Variants in DYSF observed in about 807,000 individuals in gnomAD.
The protein encoded by DYSF is dysferlin.
Under a neutral mutation model 274.9 loss-of-function variants are expected in DYSF, and 212 were observed. The observed-to-expected ratio is 0.77, with a 90% CI of 0.69 to 0.86. The LOEUF (loss-of-function observed/expected upper bound fraction) is 0.86, where lower values mean the gene tolerates loss of function less well. DYSF is among the 40% of genes least tolerant of loss of function. DYSF has a pLI of 0.00. For synonymous variants in DYSF, 1,091 were observed against 1,078.7 expected (o/e 1.01, Z -0.22); for missense variants, 2,666 against 2,783.2 (o/e 0.96, Z 0.95).
rs140862339 is a variant in DYSF at position 71,511,177 on chromosome 2, T to A, written c.346-630T>A. 1.8e-3 allele frequency among the ~76,000 whole-genome samples: 271 copies of A among 152,282 alleles called. 4 individuals are homozygous for A. Among genetic ancestry groups the A allele is most frequent in the East Asian group, 6.2e-3 (32 of 5,168 alleles). ...CCTCGCCTGTGAGGGATGTCACCAG[T>A]CCCTCTCCTCTCTGGCCGGTGCAAG... On this transcript the variant is annotated intron_variant, in intron 4 of 55. Coordinates refer to ENST00000410020, the MANE Select transcript of DYSF (RefSeq NM_001130987.2).
intron 12 of DYSF, 128 bp from the exon 13 acceptor site, chr2:71,526,092 T>C: frequency 1.3e-6 from 2 of 1,537,144 alleles, no homozygotes; most frequent in Non-Finnish European, 1.8e-6. Context: ...CGGTAGTAAG[T>C]GTCGGAGCGC....
At chr2:71,586,293 GGT>G (rs2093066520) in intron 30 of DYSF, among the ~76,000 whole-genome samples, 1 of 152,136 alleles carries the variant, frequency 6.6e-6, no homozygotes. Flanking sequence ...GGCTCTGGGG[GGT>G]GTGTCTCCCC....
rs2089177822 is a variant in DYSF, at chr2:71,535,106, C to T, written c.1449+17C>T. The T allele has an allele frequency of 6.2e-7, 1 of 1,613,928 alleles. No homozygotes were observed. ...CCTGCCATGGTGAGCCTCCTGCCCC[C>T]AGCAAACCCAAGGAGGCCCCTGGGG... On this transcript the variant is annotated intron_variant, in intron 15 of 55. Coordinates refer to ENST00000410020, the MANE Select transcript of DYSF (RefSeq NM_001130987.2).
intron 17 of DYSF, among the ~76,000 whole-genome samples, chr2:71,542,702 A>C: frequency 6.6e-6 from 1 of 152,176 alleles, no homozygotes; most frequent in East Asian, 1.9e-4. Context: ...AAGGTCATAG[A>C]TCAACAGCAT....
intron 3 of DYSF, among the ~76,000 whole-genome samples, chr2:71,486,381 T>C (rs1433756785): frequency 3.3e-5 from 5 of 152,016 alleles, no homozygotes; most frequent in Non-Finnish European, 5.9e-5. Context: ...TCTCTGTGTC[T>C]CCTGCTTTGC....
chr2:71,551,420 C>G (rs570490949), intron 18 of DYSF, among the ~76,000 whole-genome samples, 187 bp from the exon 19 acceptor site: 1 of 152,230 alleles, frequency 6.6e-6, no homozygotes, highest in Non-Finnish European at 1.5e-5. Flanking sequence ...CACTGTCCAT[C>G]TGGGTGGCTT....
intron 52 of DYSF, among the ~76,000 whole-genome samples, chr2:71,678,346 A>G (rs2095252446): frequency 6.6e-6 from 1 of 152,230 alleles, no homozygotes; most frequent in Non-Finnish European, 1.5e-5. Flanking sequence ...CAACCATAAA[A>G]AAAATACAGA....
chr2:71,582,061 C>T (rs939560424), intron 30 of DYSF, among the ~76,000 whole-genome samples: 6 of 128,494 alleles, frequency 4.7e-5, no homozygotes, highest in African/African-American at 1.8e-4. Flanking sequence ...GAACTGTGAT[C>T]GTGCCATTGC....
chr2:71,560,611 A>T (rs781761695), intron 22 of DYSF, among the ~76,000 whole-genome samples: 7 of 152,266 alleles, frequency 4.6e-5, no homozygotes, highest in Admixed American at 1.3e-4. Context: ...TAAAAATTCA[A>T]TTAAAAAAAA....
intron 3 of DYSF, among the ~76,000 whole-genome samples, chr2:71,487,482 C>T (rs1221071753): frequency 6.6e-6 from 1 of 152,172 alleles, no homozygotes; most frequent in Non-Finnish European, 1.5e-5. Flanking sequence ...GGGTAGAGAA[C>T]TCACTGTGTT....
At chr2:71,535,343 G>T (rs377380300) in intron 16 of DYSF, 32 bp downstream of exon 16, 2 of 1,611,684 alleles carry the variant, frequency 1.2e-6, no homozygotes, top group Non-Finnish European at 1.7e-6. Context: ...CTTTAGGGCG[G>T]GCTGTCCTGA....
At chr2:71,497,584 T>G (rs2084531376) in intron 3 of DYSF, among the ~76,000 whole-genome samples, 2 of 152,162 alleles carry the variant, frequency 1.3e-5, no homozygotes, top group African/African-American at 2.4e-5. Flanking sequence ...ACCTCTTTCC[T>G]TTCTGAATTA....
At chr2:71,613,478 C>G (rs2093814787) in intron 40 of DYSF, 68 bp downstream of exon 40, 6 of 1,302,502 alleles carry the variant, frequency 4.6e-6, no homozygotes, top group Admixed American at 3.8e-5. Context: ...ATTCCCACCC[C>G]TTCTCCCCTA....
chr2:71,591,673 C>T (rs1005008838), intron 32 of DYSF, among the ~76,000 whole-genome samples: 1 of 152,252 alleles, frequency 6.6e-6, no homozygotes, highest in Non-Finnish European at 1.5e-5. Context: ...TGAGTGCCTG[C>T]TGTTTGGTTG....
chr2:71,605,305 A>C (rs1486083521), intron 36 of DYSF, among the ~76,000 whole-genome samples: 1 of 152,124 alleles, frequency 6.6e-6, no homozygotes, highest in African/African-American at 2.4e-5. Context: ...TGCCAAGGGG[A>C]ATGAGTTCAA....
intron 42 of DYSF, among the ~76,000 whole-genome samples, chr2:71,652,933 A>G (rs1351686182): frequency 2.0e-5 from 3 of 152,268 alleles, no homozygotes; most frequent in Non-Finnish European, 2.9e-5. Flanking sequence ...TTAGCAAAAA[A>G]TAAATTAAAT....
intron 30 of DYSF, among the ~76,000 whole-genome samples, chr2:71,585,549 C>T (rs146278245): frequency 2.7e-4 from 41 of 152,276 alleles, no homozygotes; most frequent in African/African-American, 5.3e-4. Flanking sequence ...GCTTGAGCCA[C>T]GCTGATGTCC....
Position 71,515,058 on chromosome 2 carries a change from A to C in DYSF, c.760-565A>C, listed in dbSNP as rs1325276422. On this transcript the variant is annotated intron_variant, in intron 7 of 55. Transcript: ENST00000410020. ...TTATTTTTTTCCATAGAATTGCCTT[A>C]ATATTGTAAAATTTCATATTTTAAA... Among the ~76,000 whole-genome samples, 7 of 152,014 alleles carry C rather than the reference A, an allele frequency of 4.6e-5. No individual in the cohort carries two copies. The East Asian group carries it at 1.2e-3, about 25-fold the overall frequency.
intron 17 of DYSF, among the ~76,000 whole-genome samples, chr2:71,541,395 C>T (rs116485457): frequency 0.012 from 1,887 of 152,168 alleles, 45 homozygotes; most frequent in African/African-American, 0.043. Flanking sequence ...GCATCCATTA[C>T]GTTGAGGTAT....
Sources: allele counts gnomAD v4.1 joint callset (sites outside exome capture counted in the v4.1 genomes callset), GRCh38; gene constraint gnomAD v4.1.1; transcripts MANE v1.5; gene names NCBI Gene and HGNC (gene_info 2026-07-23, HGNC 2026-07-21).